The following CACNA2D3 variants were observed in gnomAD, a reference collection of about 807,000 sequenced individuals.
The protein encoded by CACNA2D3 is calcium voltage-gated channel auxiliary subunit alpha2delta 3.
CACNA2D3 carries 60 observed loss-of-function variants against 160.6 expected under a neutral mutation model. The ratio of observed to expected loss-of-function variants is 0.37; its 90% CI spans 0.30 to 0.46. The LOEUF (loss-of-function observed/expected upper bound fraction) is 0.46. CACNA2D3 is among the 20% of genes least tolerant of loss of function. The pLI is 1.00. For synonymous variants in CACNA2D3, 558 were observed against 492.9 expected, an observed-to-expected ratio of 1.13 and a Z score of -1.75; for missense variants, 1,205 against 1,365.0, an observed-to-expected ratio of 0.88 and a Z score of 1.85.
chr3:54,835,329 C>A (rs1391131740), intron 14 of CACNA2D3, among the ~76,000 whole-genome samples: 1 of 152,166 alleles, frequency 6.6e-6, no homozygotes, highest in African/African-American at 2.4e-5. Context: ...ATGCTTCTTG[C>A]ATTTTAATAT....
chr3:54,124,039 T>C (rs1179508044), intron 2 of CACNA2D3, among the ~76,000 whole-genome samples: 1 of 152,180 alleles, frequency 6.6e-6, no homozygotes, highest in Non-Finnish European at 1.5e-5. Flanking sequence ...TTGTTTGTCA[T>C]CCCTGCAGTT....
At chr3:54,663,565 T>C (rs1520575) in intron 11 of CACNA2D3, among the ~76,000 whole-genome samples, 23,174 of 152,220 alleles carry the variant, frequency 0.15, 1,960 homozygotes, top group South Asian at 0.27. Flanking sequence ...TGCCTCTTAA[T>C]TTCACTTCAG....
chr3:54,942,662 A>C (rs1311298053), intron 27 of CACNA2D3, among the ~76,000 whole-genome samples: 1 of 152,108 alleles, frequency 6.6e-6, no homozygotes, highest in Non-Finnish European at 1.5e-5. Context: ...ACTGAGCCAG[A>C]AGGATCATTT....
Position 54,554,002 on chromosome 3 carries a change from G to A in CACNA2D3, c.545-8798G>A, listed in dbSNP as rs535610244. Among the ~76,000 whole-genome samples the A allele has an allele frequency of 4.6e-5, 7 of 152,226 alleles. No homozygotes were observed. In the South Asian group the frequency reaches 1.2e-3, roughly 27 times the overall value. On this transcript the variant is annotated intron_variant, in intron 5 of 37. Transcript: ENST00000474759. ...GCCTATCTGCTAAAATCCTTGCCAC[G>A]ACCTCCCCACCTCTCCAGCCTCATC...
At chr3:54,346,837 C>A (rs904236031) in intron 3 of CACNA2D3, among the ~76,000 whole-genome samples, 2 of 152,200 alleles carry the variant, frequency 1.3e-5, no homozygotes, top group African/African-American at 4.8e-5. Context: ...GTGCTCTTGG[C>A]AACCTTTGAT....
At chr3:54,648,798 G>C (rs1387794376) in intron 11 of CACNA2D3, among the ~76,000 whole-genome samples, 2 of 152,216 alleles carry the variant, frequency 1.3e-5, no homozygotes, top group Non-Finnish European at 2.9e-5. Flanking sequence ...AGGAGGAGCA[G>C]GTATGTCACA....
intron 11 of CACNA2D3, among the ~76,000 whole-genome samples, chr3:54,658,571 C>T (rs1699914032): frequency 6.6e-6 from 1 of 151,980 alleles, no homozygotes; most frequent in Non-Finnish European, 1.5e-5. Context: ...GAAATTAAAC[C>T]CGTATCAGAT....
At chr3:54,896,069 T>C (rs1027401754) in intron 25 of CACNA2D3, among the ~76,000 whole-genome samples, 1 of 152,160 alleles carries the variant, frequency 6.6e-6, no homozygotes, top group African/African-American at 2.4e-5. Flanking sequence ...GGGTAGATGG[T>C]AGATGAGGCG....
chr3:54,833,514 A>T (rs1575502035), intron 14 of CACNA2D3, among the ~76,000 whole-genome samples: 1 of 150,910 alleles, frequency 6.6e-6, no homozygotes, highest in Non-Finnish European at 1.5e-5. Context: ...AAAAGCAGGG[A>T]CCCCCCTAGC....
intron 4 of CACNA2D3, among the ~76,000 whole-genome samples, chr3:54,456,623 T>C (rs925537263): frequency 6.6e-6 from 1 of 152,126 alleles, no homozygotes; most frequent in Non-Finnish European, 1.5e-5. Context: ...GTTGGCCTCA[T>C]AGAGTGAGTT....
At chr3:54,220,952 A>G (rs1340067629) in intron 2 of CACNA2D3, among the ~76,000 whole-genome samples, 1 of 152,166 alleles carries the variant, frequency 6.6e-6, no homozygotes, top group African/African-American at 2.4e-5. Context: ...ATTATGCTGA[A>G]TTTGCCTACG....
chr3:54,702,697 A>C (rs1700788849), intron 11 of CACNA2D3, among the ~76,000 whole-genome samples: 1 of 150,526 alleles, frequency 6.6e-6, no homozygotes, highest in South Asian at 2.1e-4. Flanking sequence ...GAGAACTTAG[A>C]ACAGAACTAC....
chr3:54,752,570 G>A (rs371981321), intron 11 of CACNA2D3, 29 bp from the exon 12 acceptor site: 52 of 1,570,034 alleles, frequency 3.3e-5, no homozygotes, highest in South Asian at 5.6e-5. Flanking sequence ...AGTGAATGCC[G>A]CTCAGCCATG....
intron 2 of CACNA2D3, among the ~76,000 whole-genome samples, chr3:54,291,959 A>C (rs957344554): frequency 6.6e-6 from 1 of 152,218 alleles, no homozygotes; most frequent in African/African-American, 2.4e-5. Flanking sequence ...TATTGACCAA[A>C]AAAATAAAGT....
intron 2 of CACNA2D3, among the ~76,000 whole-genome samples, chr3:54,140,956 G>C (rs1699914190): frequency 6.6e-6 from 1 of 152,164 alleles, no homozygotes; most frequent in Non-Finnish European, 1.5e-5. Context: ...ACAGAGGTCT[G>C]CCTGGTCCTC....
At position 54,304,861 on chromosome 3, in the gene CACNA2D3, A is replaced by G. The variant is rs186774707; in HGVS notation, c.205-15581A>G. 2.0e-5 allele frequency among the ~76,000 whole-genome samples: 3 copies of G among 152,160 alleles called. No individual in the cohort carries two copies. In the East Asian group the frequency reaches 5.8e-4, roughly 29 times the overall value. ...AAAAGTCATCCAAAATTCTGCCACC[A>G]TACCCAGGCACGATTGGAATTTTGT... is the stretch of plus-strand genomic sequence containing the variant. On this transcript the variant is annotated intron_variant, in intron 2 of 37. Transcript: ENST00000474759.
chr3:54,705,728 T>C (rs1453657658), intron 11 of CACNA2D3, among the ~76,000 whole-genome samples: 1 of 152,218 alleles, frequency 6.6e-6, no homozygotes, highest in Admixed American at 6.5e-5. Flanking sequence ...AATTATAGCA[T>C]AATAGGGCAT....
At chr3:54,551,032 C>G (rs1702148116) in intron 5 of CACNA2D3, among the ~76,000 whole-genome samples, 2 of 152,212 alleles carry the variant, frequency 1.3e-5, no homozygotes, top group Non-Finnish European at 2.9e-5. Context: ...CTTGGTTGCT[C>G]TCTCAATGGC....
chr3:54,736,125 A>G (rs1456528628), intron 11 of CACNA2D3, among the ~76,000 whole-genome samples: 1 of 66,576 alleles, frequency 1.5e-5, no homozygotes, highest in African/African-American at 5.8e-5. Context: ...ATATACATAT[A>G]TATATGTATA....
Sources: gnomAD v4.1 joint callset for allele counts (sites outside exome capture counted in the v4.1 genomes callset) on GRCh38, gnomAD v4.1.1 for gene constraint, MANE v1.5 for transcripts, NCBI Gene and HGNC (gene_info 2026-07-23, HGNC 2026-07-21) for gene names.